The following BARX2 variants were observed in gnomAD, a reference collection of about 807,000 sequenced individuals.
BARX2 encodes BARX homeobox 2.
Under a neutral mutation model 25.5 loss-of-function variants are expected in BARX2, and 11 were observed. The observed-to-expected ratio is 0.43, with a 90% CI of 0.27 to 0.71. The LOEUF (loss-of-function observed/expected upper bound fraction) is 0.71, where lower values mean the gene tolerates loss of function less well. BARX2 is among the 30% of genes least tolerant of loss of function. The pLI is 0.19. For synonymous variants in BARX2, 137 were observed against 149.5 expected (o/e 0.92, Z 0.61); for missense variants, 360 against 359.9 (o/e 1.00, Z 0.00).
chr11:129,416,881 T>G (rs1363764679), intron 1 of BARX2, among the ~76,000 whole-genome samples: 4 of 151,234 alleles, frequency 2.6e-5, no homozygotes, highest in Non-Finnish European at 4.4e-5. Flanking sequence ...CTTTGTTTTT[T>G]TTTTTTTTTA....
intron 1 of BARX2, among the ~76,000 whole-genome samples, chr11:129,410,657 G>A (rs1161069143): frequency 2.6e-5 from 4 of 152,186 alleles, no homozygotes; most frequent in African/African-American, 9.7e-5. Context: ...TGTTAGTTGG[G>A]AGCCTATAAA....
Position 129,449,428 on chromosome 11 carries a change from G to C in BARX2, c.574-1708G>C, listed in dbSNP as rs1862369973. 2.0e-5 allele frequency among the ~76,000 whole-genome samples: 3 copies of C among 152,102 alleles called. No individual in the cohort carries two copies. The South Asian group carries it at 6.2e-4, about 32-fold the overall frequency. On this transcript the variant is annotated intron_variant, in intron 3 of 3. Coordinates refer to ENST00000281437, the MANE Select transcript of BARX2 (RefSeq NM_003658.5). ...TATAGAAGACAAGAAGATTAGGCTAGGTTTATAAATAGCGAAAATATCTCC... is the reference window on the plus strand; with the variant it reads ...TATAGAAGACAAGAAGATTAGGCTACGTTTATAAATAGCGAAAATATCTCC...
intron 1 of BARX2, among the ~76,000 whole-genome samples, chr11:129,401,955 C>CAAA (rs397825103): frequency 9.5e-6 from 1 of 104,720 alleles, no homozygotes; most frequent in African/African-American, 3.3e-5. Context: ...GACTCTGTCT[C>CAAA]AAAAAAAAAA....
chr11:129,416,058 GA>G (rs1156805901), intron 1 of BARX2, among the ~76,000 whole-genome samples: 2 of 152,208 alleles, frequency 1.3e-5, no homozygotes, highest in Non-Finnish European at 2.9e-5. Flanking sequence ...ACTTTTATAG[GA>G]AAGGTTGGAT....
chr11:129,394,682 T>G (rs898758996), intron 1 of BARX2, among the ~76,000 whole-genome samples: 1 of 152,098 alleles, frequency 6.6e-6, no homozygotes, highest in Non-Finnish European at 1.5e-5. Flanking sequence ...ATTAAATAAT[T>G]TTAGTTAGAA....
intron 2 of BARX2, among the ~76,000 whole-genome samples, chr11:129,439,910 G>T (rs991150037): frequency 7.5e-6 from 1 of 133,166 alleles, no homozygotes; most frequent in East Asian, 2.1e-4. Context: ...AGAAGTCAGA[G>T]AATTTTTTTT....
intron 1 of BARX2, among the ~76,000 whole-genome samples, chr11:129,411,682 T>C (rs1189616720): frequency 6.6e-6 from 1 of 152,228 alleles, no homozygotes; most frequent in African/African-American, 2.4e-5. Flanking sequence ...TTGTTGACTT[T>C]TGATGTGTGC....
At chr11:129,399,088 A>G (rs1218782286) in intron 1 of BARX2, among the ~76,000 whole-genome samples, 2 of 152,234 alleles carry the variant, frequency 1.3e-5, no homozygotes, top group East Asian at 3.8e-4. Flanking sequence ...ATCATGACAG[A>G]CTACCTATAT....
Position 129,376,250 on chromosome 11 carries a change from G to C in BARX2, c.187+28G>C, listed in dbSNP as rs1300100409. On this transcript the variant is annotated intron_variant, in intron 1 of 3. Transcript: ENST00000281437. The surrounding 1 kb of genome is among the most constrained non-coding windows in gnomAD (Gnocchi z 4.2). The stretch of plus-strand genomic sequence containing the variant: ...AAGACGCTCCGCTAGGGGATAAGTG[G>C]GGTTCGGTAGCTTTCACGTCCGTGT... 1.9e-6 allele frequency: 3 copies of C among 1,572,574 alleles called. No homozygotes were observed. Among genetic ancestry groups the C allele is most frequent in the Non-Finnish European group, 2.6e-6 (3 of 1,158,430 alleles).
intron 1 of BARX2, among the ~76,000 whole-genome samples, chr11:129,422,273 T>A (rs1862012900): frequency 6.6e-6 from 1 of 152,210 alleles, no homozygotes; most frequent in Non-Finnish European, 1.5e-5. Context: ...GTCTGTCTTT[T>A]ATGCATTTAT....
At chr11:129,381,311 A>G (rs1437099642) in intron 1 of BARX2, among the ~76,000 whole-genome samples, 1 of 152,222 alleles carries the variant, frequency 6.6e-6, no homozygotes, top group African/African-American at 2.4e-5. Flanking sequence ...ACTGTTGACT[A>G]GCAGTTAGGG....
chr11:129,401,008 A>G (rs1861769819), intron 1 of BARX2, among the ~76,000 whole-genome samples: 3 of 151,982 alleles, frequency 2.0e-5, no homozygotes, highest in Admixed American at 2.0e-4. Flanking sequence ...GCTCCTTAAA[A>G]TGTGATTCAT....
At chr11:129,447,260 G>C (rs1396787188) in intron 3 of BARX2, among the ~76,000 whole-genome samples, 1 of 152,262 alleles carries the variant, frequency 6.6e-6, no homozygotes, top group South Asian at 2.1e-4. Context: ...CAAAAGATCC[G>C]GTCTTAACAC....
chr11:129,382,881 G>A (rs771416812), intron 1 of BARX2, among the ~76,000 whole-genome samples: 2 of 152,188 alleles, frequency 1.3e-5, no homozygotes, highest in Non-Finnish European at 2.9e-5. Flanking sequence ...GCAGCATGAC[G>A]ACGAGAAGAA....
intron 1 of BARX2, among the ~76,000 whole-genome samples, chr11:129,386,466 A>G (rs746227290): frequency 2.8e-4 from 42 of 152,228 alleles, no homozygotes; most frequent in Non-Finnish European, 5.1e-4. Context: ...TTATCTGTCC[A>G]AGTTCTCTTT....
intron 1 of BARX2, among the ~76,000 whole-genome samples, chr11:129,378,563 CTTTTTTTT>C (rs56804728): frequency 3.7e-4 from 41 of 111,214 alleles, no homozygotes; most frequent in African/African-American, 1.3e-3. Context: ...TTTTCTTTTT[CTTTTTTTT>C]TTTTTTTTTT....
intron 1 of BARX2, among the ~76,000 whole-genome samples, chr11:129,385,815 G>T (rs147959255): frequency 6.6e-6 from 1 of 152,296 alleles, no homozygotes; most frequent in African/African-American, 2.4e-5. Flanking sequence ...ATAACATGAA[G>T]ATTGAAAAGT....
At chr11:129,392,926 A>G (rs963327161) in intron 1 of BARX2, among the ~76,000 whole-genome samples, 1 of 152,050 alleles carries the variant, frequency 6.6e-6, no homozygotes, top group African/African-American at 2.4e-5. Context: ...GTTTAATTAT[A>G]CCACAGTCAT....
intron 1 of BARX2, among the ~76,000 whole-genome samples, chr11:129,418,319 C>T (rs574388034): frequency 1.1e-3 from 163 of 152,294 alleles, no homozygotes; most frequent in African/African-American, 3.8e-3. Context: ...TCTCTGCCCA[C>T]GGGTGTGGCT....
Sources: gnomAD v4.1 joint callset for allele counts (sites outside exome capture counted in the v4.1 genomes callset) on GRCh38, gnomAD v4.1.1 for gene constraint, Gnocchi (gnomAD v3.1) non-coding constraint, MANE v1.5 for transcripts, NCBI Gene and HGNC (gene_info 2026-07-23, HGNC 2026-07-21) for gene names.